MEI4: variants seen among roughly 807,000 people sequenced by gnomAD.
The protein encoded by MEI4 is meiosis-specific protein MEI4.
A neutral mutation model predicts 31.4 loss-of-function variants in MEI4; 27 were observed. The observed-to-expected ratio is 0.86, with a 90% CI of 0.63 to 1.19. The LOEUF is 1.19. Among genes scored for constraint, MEI4 ranks in the 50% most tolerant of loss-of-function variants. The probability of loss-of-function intolerance (pLI) is 0.00; values close to 1 mark genes in which losing one functional copy is unlikely to be tolerated. For missense variants in MEI4, 329 were observed against 398.9 expected, an observed-to-expected ratio of 0.82 and a Z score of 1.49; for synonymous variants, 122 against 145.4, an observed-to-expected ratio of 0.84 and a Z score of 1.16.
At position 77,691,071 on chromosome 6, in the gene MEI4, A is replaced by G. The variant is rs1037169960; in HGVS notation, c.232+168A>G. ...ACTTCTGGTCATTCATTAAAATTTT[A>G]TTGTCACTTTCCTACATTTGACTTT... is the stretch of plus-strand genomic sequence containing the variant. On this transcript the variant is annotated intron_variant, in intron 2 of 4. Transcript: ENST00000684080. Among the ~76,000 whole-genome samples, 8 of 152,044 alleles carry G rather than the reference A, an allele frequency of 5.3e-5. No individual in the cohort carries two copies. The East Asian group carries it at 1.2e-3, about 22-fold the overall frequency.
chr6:77,743,283 C>T (rs1767471950), intron 2 of MEI4, among the ~76,000 whole-genome samples: 1 of 152,018 alleles, frequency 6.6e-6, no homozygotes, highest in Non-Finnish European at 1.5e-5. Flanking sequence ...TGTTTGTATC[C>T]TCTTTTATTT....
chr6:77,776,889 TG>T (rs1406019791), intron 3 of MEI4, among the ~76,000 whole-genome samples: 1 of 152,188 alleles, frequency 6.6e-6, no homozygotes, highest in East Asian at 1.9e-4. Context: ...AACTTTACTT[TG>T]AATAGCATTA....
intron 1 of MEI4, among the ~76,000 whole-genome samples, chr6:77,656,456 CT>C (rs1484250165): frequency 6.6e-6 from 1 of 152,008 alleles, no homozygotes; most frequent in Non-Finnish European, 1.5e-5. Context: ...TACTTTCTTT[CT>C]TGTCTGAACT....
chr6:77,863,689 AGCAAG>A (rs1368673543), intron 4 of MEI4, among the ~76,000 whole-genome samples: 1 of 152,232 alleles, frequency 6.6e-6, no homozygotes, highest in Non-Finnish European at 1.5e-5. Flanking sequence ...TCCCCAATCT[AGCAAG>A]GCAGGCCAAC....
At chr6:77,909,835 T>C (rs528538562) in intron 4 of MEI4, among the ~76,000 whole-genome samples, 3 of 152,118 alleles carry the variant, frequency 2.0e-5, no homozygotes, top group East Asian at 1.9e-4. Flanking sequence ...CCGAATCCAG[T>C]AGTACATCAA....
intron 2 of MEI4, among the ~76,000 whole-genome samples, chr6:77,698,706 T>G (rs529071658): frequency 6.6e-5 from 10 of 152,346 alleles, no homozygotes; most frequent in Admixed American, 6.5e-4. Context: ...TAACATTTTT[T>G]CCTTCATTTC....
intron 4 of MEI4, among the ~76,000 whole-genome samples, chr6:77,852,948 C>A (rs1266207885): frequency 6.6e-6 from 1 of 152,120 alleles, no homozygotes; most frequent in African/African-American, 2.4e-5. Flanking sequence ...TGTGTAATCC[C>A]AGCACTTTGG....
chr6:77,672,145 CAAA>C (rs564130082), intron 1 of MEI4, among the ~76,000 whole-genome samples: 218 of 152,056 alleles, frequency 1.4e-3, no homozygotes, highest in African/African-American at 5.1e-3. Context: ...TTTCTCACAG[CAAA>C]AAAGTGTCTT....
At chr6:77,803,472 C>T (rs537650160) in intron 3 of MEI4, among the ~76,000 whole-genome samples, 6 of 152,294 alleles carry the variant, frequency 3.9e-5, no homozygotes, top group South Asian at 2.1e-4. Flanking sequence ...TCTCTCAACT[C>T]GTCAAAGTCA....
intron 2 of MEI4, among the ~76,000 whole-genome samples, chr6:77,735,083 C>G (rs1184935761): frequency 6.6e-6 from 1 of 151,986 alleles, no homozygotes; most frequent in Non-Finnish European, 1.5e-5. Flanking sequence ...TCCTTCATTT[C>G]TACTTCGGTG....
intron 3 of MEI4, among the ~76,000 whole-genome samples, chr6:77,797,940 A>G (rs1769124620): frequency 1.3e-5 from 2 of 152,168 alleles, no homozygotes; most frequent in East Asian, 1.9e-4. Flanking sequence ...AGTATTAACC[A>G]TCACACTTAG....
chr6:77,758,974 C>T (rs1044752294), intron 2 of MEI4, among the ~76,000 whole-genome samples: 2 of 152,162 alleles, frequency 1.3e-5, no homozygotes, highest in African/African-American at 4.8e-5. Context: ...TTCTCATTCA[C>T]TCTTTAGTCC....
chr6:77,738,792 G>A (rs547744083), intron 2 of MEI4, among the ~76,000 whole-genome samples: 3 of 152,296 alleles, frequency 2.0e-5, no homozygotes, highest in South Asian at 4.1e-4. Context: ...TCTAACTGGT[G>A]TGAGATGGTA....
chr6:77,663,550 G>A (rs554184486), intron 1 of MEI4, among the ~76,000 whole-genome samples: 5 of 152,178 alleles, frequency 3.3e-5, no homozygotes, highest in African/African-American at 9.6e-5. Flanking sequence ...GGGCAGGTGG[G>A]GATAATTAAA....
intron 2 of MEI4, among the ~76,000 whole-genome samples, chr6:77,731,862 C>T (rs1473623013): frequency 6.6e-6 from 1 of 151,946 alleles, no homozygotes; most frequent in Non-Finnish European, 1.5e-5. Context: ...GCCAGTTTTC[C>T]AGCACCATTT....
chr6:77,750,200 A>G (rs1267572512), intron 2 of MEI4, among the ~76,000 whole-genome samples: 5 of 152,226 alleles, frequency 3.3e-5, no homozygotes, highest in Admixed American at 3.3e-4. Flanking sequence ...TGCTGTGAAG[A>G]AACTGCATCA....
At chr6:77,711,845 T>C (rs1343563248) in intron 2 of MEI4, among the ~76,000 whole-genome samples, 1 of 152,236 alleles carries the variant, frequency 6.6e-6, no homozygotes, top group Non-Finnish European at 1.5e-5. Context: ...TTCTTCAGTA[T>C]TACCTTTTGT....
rs1399504939 is a variant in MEI4 at position 77,924,056 on chromosome 6, A to AAGTC, written c.*712_*715dup. On this transcript the variant is annotated 3_prime_UTR_variant, in exon 5 of 5. Coordinates refer to ENST00000684080, the MANE Select transcript of MEI4 (RefSeq NM_001322247.2). The stretch of plus-strand genomic sequence containing the variant: ...TGTAATTGTTAAATAGTATACAATT[A>AAGTC]AGTCACTAGACATATTTTATAAATT... The AAGTC allele has an allele frequency of 2.0e-5, 3 of 151,774 alleles. No homozygotes were observed. Among genetic ancestry groups the AAGTC allele is most frequent in the Non-Finnish European group, 4.4e-5 (3 of 67,824 alleles). 9.4% of individuals were successfully genotyped at this position (151,774 alleles called of 1,614,324 possible).
At chr6:77,740,754 A>G (rs568591774) in intron 2 of MEI4, among the ~76,000 whole-genome samples, 4 of 152,008 alleles carry the variant, frequency 2.6e-5, no homozygotes, top group Non-Finnish European at 4.4e-5. Flanking sequence ...CTCAACCTTT[A>G]TCTGTATAGA....
Sources: allele counts gnomAD v4.1 joint callset (sites outside exome capture counted in the v4.1 genomes callset), GRCh38; gene constraint gnomAD v4.1.1; transcripts MANE v1.5; gene names NCBI Gene and HGNC (gene_info 2026-07-23, HGNC 2026-07-21).